Variants in FGD3 observed in about 807,000 individuals in gnomAD.
FGD3 encodes FYVE, RhoGEF and PH domain containing 3.
A neutral mutation model predicts 71.8 loss-of-function variants in FGD3; 45 were observed. That is an observed-to-expected ratio of 0.63 (90% CI 0.49 to 0.80). The LOEUF is 0.80. FGD3 is among the 30% of genes least tolerant of loss of function. The pLI is 0.00. For missense variants in FGD3, 844 were observed against 951.5 expected, an observed-to-expected ratio of 0.89 and a Z score of 1.49; for synonymous variants, 378 against 392.8, an observed-to-expected ratio of 0.96 and a Z score of 0.44.
intron 8 of FGD3, among the ~76,000 whole-genome samples, chr9:93,013,565 C>T (rs1039553771): frequency 3.3e-5 from 5 of 152,196 alleles, no homozygotes; most frequent in Admixed American, 2.6e-4. Context: ...CAATGGCACT[C>T]ACCTCACTAG....
At chr9:93,002,451 A>C (rs766523454) in intron 3 of FGD3, among the ~76,000 whole-genome samples, 3 of 152,188 alleles carry the variant, frequency 2.0e-5, no homozygotes, top group Non-Finnish European at 2.9e-5. Flanking sequence ...CTAGCTGGAC[A>C]TGGTGGTACG....
At chr9:92,948,539 A>G (rs1188683152) in intron 1 of FGD3, among the ~76,000 whole-genome samples, 1 of 152,224 alleles carries the variant, frequency 6.6e-6, no homozygotes, top group Non-Finnish European at 1.5e-5. Context: ...ATTTTCTGGG[A>G]TGGCTGGGAA....
intron 3 of FGD3, among the ~76,000 whole-genome samples, chr9:92,989,406 G>A (rs1462168567): frequency 1.3e-5 from 2 of 152,188 alleles, no homozygotes; most frequent in African/African-American, 4.8e-5. Context: ...AATTACAGGC[G>A]TGAGCCACCG....
chr9:93,002,856 G>C (rs1302591473), intron 3 of FGD3, 69 bp from the exon 4 acceptor site: 1 of 1,509,736 alleles, frequency 6.6e-7, no homozygotes, highest in Non-Finnish European at 9.1e-7. Flanking sequence ...GCACACAGTG[G>C]CAGCCCGTTA....
chr9:92,976,821 A>T, intron 3 of FGD3, 112 bp downstream of exon 3: 1 of 1,211,908 alleles, frequency 8.3e-7, no homozygotes, highest in Non-Finnish European at 1.1e-6. Context: ...TGTGGCACAC[A>T]GGCTCGTGCT....
At chr9:92,958,046 T>C (rs12351827) in intron 1 of FGD3, among the ~76,000 whole-genome samples, 28,130 of 150,760 alleles carry the variant, frequency 0.19, 2,889 homozygotes, top group South Asian at 0.33. Flanking sequence ...CCACCCAGGC[T>C]GGAGTGCAGT....
At chr9:92,951,882 C>T (rs1858960804) in intron 1 of FGD3, among the ~76,000 whole-genome samples, 1 of 152,080 alleles carries the variant, frequency 6.6e-6, no homozygotes, top group South Asian at 2.1e-4. Flanking sequence ...AGTCAGAAGA[C>T]CCTGACTTTA....
intron 3 of FGD3, among the ~76,000 whole-genome samples, chr9:92,996,106 C>T (rs1002838453): frequency 6.6e-6 from 1 of 152,118 alleles, no homozygotes; most frequent in Non-Finnish European, 1.5e-5. Context: ...CCTTCTGGTC[C>T]TGGACTTTTT....
At chr9:93,007,092 ATTTT>A (rs1861090906) in intron 6 of FGD3, among the ~76,000 whole-genome samples, 1 of 148,730 alleles carries the variant, frequency 6.7e-6, no homozygotes, top group Non-Finnish European at 1.5e-5. Context: ...TTATTCATTT[ATTTT>A]TTAATTTTTT....
chr9:92,994,603 T>A (rs1256670724), intron 3 of FGD3, among the ~76,000 whole-genome samples: 6 of 152,270 alleles, frequency 3.9e-5, no homozygotes, highest in African/African-American at 1.4e-4. Flanking sequence ...TTTTATGGTT[T>A]TAGGTCTAAC....
At position 93,008,887 on chromosome 9, in the gene FGD3, C is replaced by T. The variant is rs556265127; in HGVS notation, c.838-1359C>T. Among the ~76,000 whole-genome samples, 5 of 151,758 alleles carry T rather than the reference C, an allele frequency of 3.3e-5. No homozygotes were observed. In the East Asian group the frequency reaches 9.7e-4, roughly 29 times the overall value. On this transcript the variant is annotated intron_variant, in intron 6 of 17. Transcript: ENST00000375482. ...GGAGGCTGAGACAGAATTGCTTGAG[C>T]CGGGGAGGCGGAGGCTGTAGTGAGC... is the stretch of plus-strand genomic sequence containing the variant.
intron 7 of FGD3, among the ~76,000 whole-genome samples, chr9:93,010,979 G>A (rs1861327998): frequency 6.6e-6 from 1 of 152,094 alleles, no homozygotes; most frequent in African/African-American, 2.4e-5. Context: ...AGGCGTCTGT[G>A]CAGAATCGTG....
chr9:92,972,796 G>A (rs1389826003), intron 1 of FGD3, among the ~76,000 whole-genome samples: 1 of 152,006 alleles, frequency 6.6e-6, no homozygotes, highest in African/African-American at 2.4e-5. Context: ...GTGTGTGTGT[G>A]TTTCATTTTG....
chr9:92,961,943 A>C (rs912126184), intron 1 of FGD3, among the ~76,000 whole-genome samples: 5 of 152,226 alleles, frequency 3.3e-5, no homozygotes, highest in Non-Finnish European at 7.3e-5. Flanking sequence ...AGTCACCTTC[A>C]TCATTTCTGT....
rs763293232 is a variant in FGD3, at chr9:93,019,812, G to A, written c.1356-19G>A. ...AGTATCCAAGACTGGATTAATACAA[G>A]ACCGTTTTGGTTTTTTAGGACAGAG... is the stretch of plus-strand genomic sequence containing the variant. On this transcript the variant is annotated intron_variant, in intron 11 of 17. Transcript: ENST00000375482. The A allele has an allele frequency of 6.2e-7, 1 of 1,613,146 alleles. No individual in the cohort carries two copies. Among genetic ancestry groups the A allele is most frequent in the South Asian group, 1.1e-5 (1 of 90,960 alleles).
intron 3 of FGD3, among the ~76,000 whole-genome samples, chr9:92,990,475 AG>A (rs1175951299): frequency 1.3e-5 from 2 of 152,218 alleles, no homozygotes; most frequent in East Asian, 1.9e-4. Context: ...TAGTGGGGAA[AG>A]TGGGCATCCT....
At chr9:92,971,541 T>TTTTTCTTTTCTTTCC (rs375957045) in intron 1 of FGD3, among the ~76,000 whole-genome samples, 34 of 87,734 alleles carry the variant, frequency 3.9e-4, no homozygotes, top group African/African-American at 1.6e-3. Context: ...AAGGGTGGGA[T>TTTTTCTTTTCTTTCC]TTTTCTTTTC....
At chr9:92,951,002 G>C (rs1355577921) in intron 1 of FGD3, among the ~76,000 whole-genome samples, 1 of 152,100 alleles carries the variant, frequency 6.6e-6, no homozygotes, top group African/African-American at 2.4e-5. Context: ...GAGAGGCAAG[G>C]GTGCCTAGGA....
Position 93,032,777 on chromosome 9 carries a change from T to C in FGD3, c.1689T>C (p.Cys563=). The C allele has an allele frequency of 1.9e-6, 3 of 1,614,178 alleles. No homozygotes were observed. Among genetic ancestry groups the C allele is most frequent in the Non-Finnish European group, 2.5e-6 (3 of 1,180,020 alleles). ...HHCKLCGAVI[C]GKCSEFKAEN... ...TGCCCTCTGTTTGGCAGGTCATCTG[T>C]GGGAAGTGCTCCGAGTTCAAGGCCG... The change falls in exon 16 of 18, where the codon TGT becomes TGC. Residue 563 remains cysteine (C), a synonymous_variant. Transcript: ENST00000375482.
Sources: gnomAD v4.1 joint callset for allele counts (sites outside exome capture counted in the v4.1 genomes callset) on GRCh38, gnomAD v4.1.1 for gene constraint, MANE v1.5 for transcripts, NCBI Gene and HGNC (gene_info 2026-07-23, HGNC 2026-07-21) for gene names.